The following CSMD1 variants were observed in gnomAD, a reference collection of about 807,000 sequenced individuals.
The protein encoded by CSMD1 is CUB and sushi domain-containing protein 1.
CSMD1 carries 213 observed loss-of-function variants against 417.5 expected under a neutral mutation model. The observed-to-expected ratio is 0.51, with a 90% CI of 0.46 to 0.57. The LOEUF is 0.57. Ranked by LOEUF, CSMD1 falls within the 20% of genes least tolerant of loss-of-function variation. The pLI is 0.00. For synonymous variants in CSMD1, 2,862 were observed against 1,736.8 expected (o/e 1.65, Z -16.11); for missense variants, 6,923 against 4,529.7 (o/e 1.53, Z -15.17).
At chr8:4,418,701 T>A in intron 3 of CSMD1, among the ~76,000 whole-genome samples, 1 of 152,214 alleles carries the variant, frequency 6.6e-6, no homozygotes, top group Non-Finnish European at 1.5e-5. Context: ...AAGTGGTACA[T>A]TGATATCATC....
intron 3 of CSMD1, among the ~76,000 whole-genome samples, chr8:4,396,537 T>G (rs1804228292): frequency 6.6e-6 from 1 of 151,910 alleles, no homozygotes; most frequent in South Asian, 2.1e-4. Context: ...ACTTGCACAG[T>G]TAAGTTTATA....
chr8:3,162,717 CA>C lies in CSMD1; in HGVS notation c.5726-441del, dbSNP rs568427997. 6.4e-3 allele frequency among the ~76,000 whole-genome samples: 840 copies of C among 130,268 alleles called. 1 individual carries two copies. Among genetic ancestry groups the C allele is most frequent in the Middle Eastern group, 0.021 (5 of 240 alleles). 85.5% of individuals were successfully genotyped at this position (130,268 alleles called of 152,430 possible). On this transcript the variant is annotated intron_variant, in intron 37 of 69. Transcript: ENST00000635120. ...TGAATCTTGGAATTCTGTTCTTCTACAAAAAAAAAAAAGAGAAAAAATATTT... is the reference window on the plus strand; with the variant it reads ...TGAATCTTGGAATTCTGTTCTTCTACAAAAAAAAAAAGAGAAAAAATATTT...
At position 4,944,299 on chromosome 8, in the gene CSMD1, C is replaced by A. The variant is rs143118078; in HGVS notation, c.85+50033G>T. ...ACTGTGAGTATTATGGAGATCAATG[C>A]AAAGTTTACAGAGCAGACCAAGAGA... is the stretch of plus-strand genomic sequence containing the variant. On this transcript the variant is annotated intron_variant, in intron 1 of 69. Transcript: ENST00000635120. Among the ~76,000 whole-genome samples the A allele has an allele frequency of 5.1e-4, 78 of 152,234 alleles. No individual in the cohort carries two copies. In the East Asian group the frequency reaches 0.014, roughly 26 times the overall value.
At chr8:4,052,597 T>C (rs750030500) in intron 3 of CSMD1, among the ~76,000 whole-genome samples, 1 of 152,148 alleles carries the variant, frequency 6.6e-6, no homozygotes, top group Non-Finnish European at 1.5e-5. Context: ...TTTCCCTCCA[T>C]ATAATTTAAG....
intron 12 of CSMD1, among the ~76,000 whole-genome samples, chr8:3,419,343 A>G (rs1226250622): frequency 3.9e-5 from 6 of 152,228 alleles, no homozygotes; most frequent in Admixed American, 1.3e-4. Flanking sequence ...TCCAAAATGA[A>G]TAATTGAAAA....
intron 2 of CSMD1, among the ~76,000 whole-genome samples, chr8:4,611,028 AT>A (rs1052127230): frequency 2.6e-5 from 4 of 151,314 alleles, no homozygotes; most frequent in East Asian, 1.9e-4. Context: ...TGTAACTACC[AT>A]TTTTTTTTCT....
chr8:3,234,788 TC>T (rs1314834522), intron 26 of CSMD1, among the ~76,000 whole-genome samples: 4 of 152,196 alleles, frequency 2.6e-5, no homozygotes, highest in Non-Finnish European at 4.4e-5. Flanking sequence ...ATCACCAGAA[TC>T]ACAAGGCAAT....
chr8:3,262,393 C>G (rs1237017740), intron 26 of CSMD1, among the ~76,000 whole-genome samples: 1 of 150,928 alleles, frequency 6.6e-6, no homozygotes, highest in African/African-American at 2.4e-5. Flanking sequence ...ATGACAGTAT[C>G]CATTTTCAGC....
chr8:3,736,018 AAT>A (rs1796505408), intron 6 of CSMD1, among the ~76,000 whole-genome samples: 1 of 152,160 alleles, frequency 6.6e-6, no homozygotes, highest in Admixed American at 6.5e-5. Flanking sequence ...GATTAAAAAA[AAT>A]AGAGGGAATA....
chr8:4,112,014 T>C (rs1372598548), intron 3 of CSMD1, among the ~76,000 whole-genome samples: 2 of 152,202 alleles, frequency 1.3e-5, no homozygotes, highest in African/African-American at 4.8e-5. Context: ...GTCTTTTAAA[T>C]GACATGAAAT....
At chr8:4,452,009 T>G (rs1446432796) in intron 2 of CSMD1, among the ~76,000 whole-genome samples, 1 of 150,856 alleles carries the variant, frequency 6.6e-6, no homozygotes, top group African/African-American at 2.4e-5. Flanking sequence ...TAATGAAATA[T>G]TATCTTTAGG....
At chr8:4,119,903 G>C (rs1802383145) in intron 3 of CSMD1, among the ~76,000 whole-genome samples, 1 of 152,148 alleles carries the variant, frequency 6.6e-6, no homozygotes, top group African/African-American at 2.4e-5. Flanking sequence ...CCGGAGTCTG[G>C]TAAGGGTAGT....
intron 1 of CSMD1, among the ~76,000 whole-genome samples, chr8:4,933,736 G>C (rs939272514): frequency 6.6e-6 from 1 of 152,134 alleles, no homozygotes; most frequent in African/African-American, 2.4e-5. Context: ...GTGGTGAAAA[G>C]ATATACTAAC....
intron 5 of CSMD1, among the ~76,000 whole-genome samples, chr8:3,842,227 C>G (rs73172274): frequency 3.3e-5 from 5 of 151,952 alleles, no homozygotes; most frequent in Non-Finnish European, 7.4e-5. Context: ...GTAGAATCAT[C>G]TGCTTGTCCA....
rs553486060 is a variant in CSMD1, at chr8:4,331,279, G to T, written c.415+88674C>A. On this transcript the variant is annotated intron_variant, in intron 3 of 69. Coordinates refer to ENST00000635120, the MANE Select transcript of CSMD1 (RefSeq NM_033225.6). ...AAGCCAGGGAACTCGGTGACACAAG[G>T]TGCTGAATGGCAGAAGCATCATGCT... 1.1e-3 allele frequency among the ~76,000 whole-genome samples: 169 copies of T among 152,204 alleles called. 1 individual carries two copies. Among genetic ancestry groups the T allele is most frequent in the Non-Finnish European group, 2.1e-3 (140 of 68,016 alleles).
intron 12 of CSMD1, among the ~76,000 whole-genome samples, chr8:3,447,814 T>C (rs10282987): frequency 0.09 from 13,731 of 152,150 alleles, 693 homozygotes; most frequent in African/African-American, 0.13. Context: ...CAGGACCACT[T>C]GGGGCCATTT....
At chr8:4,481,969 G>C (rs1419744123) in intron 2 of CSMD1, among the ~76,000 whole-genome samples, 4 of 152,102 alleles carry the variant, frequency 2.6e-5, no homozygotes, top group African/African-American at 9.7e-5. Flanking sequence ...ACTCTTAGCT[G>C]CTATATTATA....
intron 3 of CSMD1, among the ~76,000 whole-genome samples, chr8:4,215,537 C>G (rs548049849): frequency 6.6e-6 from 1 of 151,270 alleles, no homozygotes; most frequent in Non-Finnish European, 1.5e-5. Flanking sequence ...AGACCAGGAT[C>G]CTTTACATTG....
chr8:3,776,061 C>T (rs142732216), intron 5 of CSMD1, among the ~76,000 whole-genome samples: 82 of 152,330 alleles, frequency 5.4e-4, no homozygotes, highest in African/African-American at 1.1e-3. Context: ...AGAACCCATA[C>T]ACCTACCTTG....
Sources: allele counts gnomAD v4.1 joint callset (sites outside exome capture counted in the v4.1 genomes callset), GRCh38; gene constraint gnomAD v4.1.1; transcripts MANE v1.5; gene names NCBI Gene and HGNC (gene_info 2026-07-23, HGNC 2026-07-21).